The following GRIN2B variants were observed in gnomAD, a reference collection of about 807,000 sequenced individuals.
GRIN2B encodes glutamate receptor ionotropic, NMDA 2B.
GRIN2B carries 5 observed loss-of-function variants against 114.5 expected under a neutral mutation model. The observed-to-expected ratio is 0.04, with a 90% CI of 0.02 to 0.09. The LOEUF (loss-of-function observed/expected upper bound fraction) is 0.09, where lower values mean the gene tolerates loss of function less well. GRIN2B is among the 10% of genes least tolerant of loss of function. The pLI is 1.00. For missense variants in GRIN2B, 1,108 were observed against 1,943.5 expected (o/e 0.57, Z 8.08); for synonymous variants, 787 against 745.1 (o/e 1.06, Z -0.92).
Position 13,698,283 on chromosome 12 carries a change from C to T in GRIN2B, c.1011-22424G>A, listed in dbSNP as rs560906404. On this transcript the variant is annotated intron_variant, in intron 4 of 13. Coordinates refer to ENST00000609686, the MANE Select transcript of GRIN2B (RefSeq NM_000834.5). ...GGAACGTCTCCAAATCCCAGCAAAT[C>T]CCTGCCTTGTTGAAACAATGAAACC... 3.3e-5 allele frequency among the ~76,000 whole-genome samples: 5 copies of T among 152,354 alleles called. No individual in the cohort carries two copies. The East Asian group carries it at 9.6e-4, about 29-fold the overall frequency.
chr12:13,800,404 A>C (rs1443978225), intron 3 of GRIN2B, among the ~76,000 whole-genome samples: 1 of 152,142 alleles, frequency 6.6e-6, no homozygotes, highest in East Asian at 1.9e-4. Context: ...AGTGTTTGTT[A>C]AACTTAGTTT....
intron 2 of GRIN2B, among the ~76,000 whole-genome samples, chr12:13,915,457 C>G (rs1866700461): frequency 6.6e-6 from 1 of 152,140 alleles, no homozygotes; most frequent in Non-Finnish European, 1.5e-5. Context: ...CCTCCTGGGT[C>G]TGCTCCTGGC....
At chr12:13,970,618 ATT>A (rs961354500) in intron 2 of GRIN2B, among the ~76,000 whole-genome samples, 34 of 152,070 alleles carry the variant, frequency 2.2e-4, no homozygotes, top group African/African-American at 7.7e-4. Context: ...AAATTAATAA[ATT>A]TGATCACTTT....
At chr12:13,965,849 A>G (rs1209790209) in intron 2 of GRIN2B, among the ~76,000 whole-genome samples, 1 of 152,178 alleles carries the variant, frequency 6.6e-6, no homozygotes, top group Non-Finnish European at 1.5e-5. Flanking sequence ...ATGATATGTC[A>G]ATCTTTCTTC....
chr12:13,928,870 T>C (rs1453996005), intron 2 of GRIN2B, among the ~76,000 whole-genome samples: 2 of 152,254 alleles, frequency 1.3e-5, no homozygotes, highest in East Asian at 3.8e-4. Flanking sequence ...CATCAGGTAC[T>C]GTCCCAGGAC....
At chr12:13,620,491 G>A (rs755421748) in intron 5 of GRIN2B, among the ~76,000 whole-genome samples, 10 of 152,144 alleles carry the variant, frequency 6.6e-5, no homozygotes, top group African/African-American at 1.2e-4. Context: ...GTTGTTAAAC[G>A]TCAACCAGCT....
intron 10 of GRIN2B, among the ~76,000 whole-genome samples, chr12:13,605,569 A>T (rs1017537989): frequency 2.2e-5 from 3 of 137,966 alleles, no homozygotes; most frequent in African/African-American, 5.3e-5. Flanking sequence ...ACACACACAC[A>T]CACACACACA....
At chr12:13,774,405 C>T (rs1316678828) in intron 3 of GRIN2B, among the ~76,000 whole-genome samples, 1 of 152,148 alleles carries the variant, frequency 6.6e-6, no homozygotes, top group Admixed American at 6.5e-5. Flanking sequence ...ACCAGTGTGA[C>T]TTCAAGTCAA....
intron 5 of GRIN2B, among the ~76,000 whole-genome samples, chr12:13,669,657 C>G (rs1221963953): frequency 6.6e-6 from 1 of 152,128 alleles, no homozygotes; most frequent in African/African-American, 2.4e-5. Context: ...TACTGGCCTG[C>G]TCAGTGATGT....
chr12:13,819,708 GTA>G (rs1864896682), intron 3 of GRIN2B, among the ~76,000 whole-genome samples: 1 of 152,154 alleles, frequency 6.6e-6, no homozygotes, highest in Non-Finnish European at 1.5e-5. Flanking sequence ...TTACAGCACT[GTA>G]TGTCAGATTT....
At chr12:13,827,224 G>GTTTTT (rs759572450) in intron 3 of GRIN2B, among the ~76,000 whole-genome samples, 3 of 34,494 alleles carry the variant, frequency 8.7e-5, no homozygotes, top group Admixed American at 2.8e-4. Context: ...CCTTATTGTT[G>GTTTTT]TTTTCTTTTT....
At chr12:13,954,829 A>AAAAAAAAAAAAAAAAAAAAAAAAAAT (rs1867559486) in intron 2 of GRIN2B, among the ~76,000 whole-genome samples, 2 of 145,616 alleles carry the variant, frequency 1.4e-5, no homozygotes, top group Non-Finnish European at 3.0e-5. Flanking sequence ...AAAAAAAAAA[A>AAAAAAAAAAAAAAAAAAAAAAAAAAT]CTTTTTCTTC....
intron 4 of GRIN2B, among the ~76,000 whole-genome samples, chr12:13,725,716 T>G (rs755505418): frequency 2.6e-5 from 4 of 152,174 alleles, no homozygotes; most frequent in Non-Finnish European, 5.9e-5. Flanking sequence ...ATTTTCCCTC[T>G]GCTTAACAAG....
At chr12:13,605,054 C>T (rs1360803169) in intron 10 of GRIN2B, among the ~76,000 whole-genome samples, 2 of 150,122 alleles carry the variant, frequency 1.3e-5, no homozygotes, top group Admixed American at 1.3e-4. Flanking sequence ...ACCTCTCTTC[C>T]TCTCTCCCCA....
intron 2 of GRIN2B, among the ~76,000 whole-genome samples, chr12:13,952,326 T>C (rs1248318932): frequency 2.0e-5 from 3 of 152,234 alleles, no homozygotes; most frequent in Non-Finnish European, 4.4e-5. Context: ...TTAATGAAAC[T>C]GTAACTCATC....
At chr12:13,767,454 T>C (rs1863819041) in intron 3 of GRIN2B, among the ~76,000 whole-genome samples, 1 of 152,152 alleles carries the variant, frequency 6.6e-6, no homozygotes. Flanking sequence ...CAAGAGTATA[T>C]TTTAAAGGCT....
At position 13,564,870 on chromosome 12, in the gene GRIN2B, G is replaced by A. The variant is rs904665910; in HGVS notation, c.2599-231C>T. ...AGTGACCTGGCCATCAGAGGGGGGG[G>A]CATGGCCCCACCCAGTAACTTGAGC... On this transcript the variant is annotated intron_variant, in intron 13 of 13. Transcript: ENST00000609686. This position sits in a 1 kb window ranked among gnomAD's most constrained non-coding sequence, Gnocchi z 4.8. Among the ~76,000 whole-genome samples, 2 of 152,160 alleles carry A rather than the reference G, an allele frequency of 1.3e-5. No homozygotes were observed. The highest frequency in any genetic ancestry group is 4.8e-5 in the African/African-American group (2 of 41,446).
In GRIN2B at chr12:13,764,183, C is replaced by CAAAA. The variant is rs111977459; in HGVS notation, c.412-10272_412-10269dup. The stretch of plus-strand genomic sequence containing the variant: ...AGCCTATCCTTCTCTATATCCATAC[C>CAAAA]AAAAAAAAAAAAAAAAAGGATATTA... On this transcript the variant is annotated intron_variant, in intron 3 of 13. Transcript: ENST00000609686. Among the ~76,000 whole-genome samples, 3 of 106,458 alleles carry CAAAA rather than the reference C, an allele frequency of 2.8e-5. No individual in the cohort carries two copies. In the East Asian group the frequency reaches 9.3e-4, roughly 33 times the overall value. The allele number at this position is 106,458 out of a possible 152,430, so 69.8% of individuals were successfully genotyped here.
At chr12:13,954,831 T>TAAAAAAAAAAAAAAAAAA (rs1867560002) in intron 2 of GRIN2B, among the ~76,000 whole-genome samples, 1 of 30,276 alleles carries the variant, frequency 3.3e-5, no homozygotes, top group African/African-American at 8.7e-5. Context: ...AAAAAAAAAC[T>TAAAAAAAAAAAAAAAAAA]TTTTCTTCTT....
Sources: allele counts gnomAD v4.1 joint callset (sites outside exome capture counted in the v4.1 genomes callset), GRCh38; gene constraint gnomAD v4.1.1; non-coding constraint Gnocchi (gnomAD v3.1); transcripts MANE v1.5; gene names NCBI Gene and HGNC (gene_info 2026-07-23, HGNC 2026-07-21).